The following ERC2 variants were observed in gnomAD, a reference collection of about 807,000 sequenced individuals.
ERC2 encodes ERC protein 2.
ERC2 carries 42 observed loss-of-function variants against 114.8 expected under a neutral mutation model. The observed-to-expected ratio is 0.37, with a 90% CI of 0.29 to 0.47. The LOEUF (loss-of-function observed/expected upper bound fraction) is 0.47. Among genes scored for constraint, ERC2 ranks in the 20% least tolerant of loss-of-function variants. The probability of loss-of-function intolerance (pLI) is 0.99; values close to 1 mark genes in which losing one functional copy is unlikely to be tolerated. For missense variants in ERC2, 939 were observed against 1,150.7 expected, an observed-to-expected ratio of 0.82 and a Z score of 2.66; for synonymous variants, 454 against 425.5, an observed-to-expected ratio of 1.07 and a Z score of -0.82.
chr3:56,050,048 A>G (rs2075689935), intron 7 of ERC2, among the ~76,000 whole-genome samples: 2 of 152,210 alleles, frequency 1.3e-5, no homozygotes, highest in African/African-American at 4.8e-5. Flanking sequence ...AGTGGTTGCC[A>G]GGGCACTGAG....
chr3:56,092,424 TG>T (rs2149787778), intron 6 of ERC2, among the ~76,000 whole-genome samples: 1 of 152,308 alleles, frequency 6.6e-6, no homozygotes, highest in South Asian at 2.1e-4. Context: ...TAAAATTAGG[TG>T]GTTTTAAGTG....
At chr3:55,739,962 G>A (rs1341329940) in intron 14 of ERC2, among the ~76,000 whole-genome samples, 1 of 152,118 alleles carries the variant, frequency 6.6e-6, no homozygotes, top group Non-Finnish European at 1.5e-5. Context: ...TTCAGTTTCA[G>A]TTTCCTGCAT....
At chr3:56,447,239 A>C (rs975661751) in intron 1 of ERC2, among the ~76,000 whole-genome samples, 5 of 152,260 alleles carry the variant, frequency 3.3e-5, no homozygotes. Flanking sequence ...TGGGGACCAC[A>C]GAGGGCACGC....
At chr3:55,600,143 TA>T in intron 17 of ERC2, among the ~76,000 whole-genome samples, 1 of 152,290 alleles carries the variant, frequency 6.6e-6, no homozygotes, top group African/African-American at 2.4e-5. Flanking sequence ...TATAGAGATG[TA>T]ATCTGTAAGG....
chr3:56,231,104 C>T (rs2050589441), intron 3 of ERC2, among the ~76,000 whole-genome samples: 4 of 152,186 alleles, frequency 2.6e-5, no homozygotes, highest in Admixed American at 1.3e-4. Flanking sequence ...CAAACTAGGA[C>T]AGTCTGATTC....
At chr3:56,007,698 G>A (rs9830643) in intron 9 of ERC2, among the ~76,000 whole-genome samples, 5,778 of 152,082 alleles carry the variant, frequency 0.038, 241 homozygotes, top group African/African-American at 0.1. Flanking sequence ...AGACAAATAC[G>A]AAAGAAAATA....
chr3:56,423,774 C>T (rs1303772409), intron 2 of ERC2, among the ~76,000 whole-genome samples: 2 of 152,232 alleles, frequency 1.3e-5, no homozygotes, highest in African/African-American at 4.8e-5. Flanking sequence ...TACCTAAAAA[C>T]CTACTTCCCA....
rs552035523 is a variant in ERC2, at chr3:56,122,955, C to T, written c.1473+16554G>A. On this transcript the variant is annotated intron_variant, in intron 6 of 17. Transcript: ENST00000288221. Reference sequence around the variant, plus strand: ...CTTTATGGGCTTTAAGTCTTCATACCGCAAGTTCAACCACCCCAAGAAAAC... The same window carrying T: ...CTTTATGGGCTTTAAGTCTTCATACTGCAAGTTCAACCACCCCAAGAAAAC... 8.5e-5 allele frequency among the ~76,000 whole-genome samples: 13 copies of T among 152,170 alleles called. No homozygotes were observed. The East Asian group carries it at 1.9e-3, about 23-fold the overall frequency.
intron 14 of ERC2, among the ~76,000 whole-genome samples, chr3:55,814,282 T>A (rs918661225): frequency 6.6e-6 from 1 of 152,222 alleles, no homozygotes; most frequent in East Asian, 1.9e-4. Context: ...CATTTTCTCC[T>A]TTTGATTTTC....
chr3:56,451,069 A>G (rs967457172), intron 1 of ERC2, among the ~76,000 whole-genome samples: 1 of 152,234 alleles, frequency 6.6e-6, no homozygotes, highest in African/African-American at 2.4e-5. Flanking sequence ...ATTTCCTTTC[A>G]TCTGCAAATG....
At chr3:55,827,087 C>G (rs1272671632) in intron 14 of ERC2, among the ~76,000 whole-genome samples, 1 of 152,186 alleles carries the variant, frequency 6.6e-6, no homozygotes, top group East Asian at 1.9e-4. Context: ...TCTAATTGTT[C>G]TGGATTTATC....
rs556632765 is a variant in ERC2, at chr3:56,446,254, T to A, written c.-140-11107A>T. ...AGCATAGCTCCACCAGACTTAGAGT[T>A]CCCAGAAATTAAATAATTACTTCAA... On this transcript the variant is annotated intron_variant, in intron 1 of 17. Transcript: ENST00000288221. 3.5e-4 allele frequency among the ~76,000 whole-genome samples: 53 copies of A among 152,164 alleles called. 1 individual carries two copies. The highest frequency in any genetic ancestry group is 6.5e-4 in the Admixed American group (10 of 15,272).
At chr3:55,584,717 C>T (rs1417350826) in intron 17 of ERC2, among the ~76,000 whole-genome samples, 3 of 152,114 alleles carry the variant, frequency 2.0e-5, no homozygotes, top group African/African-American at 4.8e-5. Flanking sequence ...ACACCAAATA[C>T]GGTGGGGAGA....
intron 2 of ERC2, among the ~76,000 whole-genome samples, chr3:56,370,039 A>T (rs2059305338): frequency 6.6e-6 from 1 of 152,126 alleles, no homozygotes; most frequent in Non-Finnish European, 1.5e-5. Context: ...TACCTCATGC[A>T]CTTTAGGAAT....
chr3:56,249,277 G>C (rs2051942314), intron 3 of ERC2, among the ~76,000 whole-genome samples: 1 of 152,108 alleles, frequency 6.6e-6, no homozygotes, highest in Non-Finnish European at 1.5e-5. Flanking sequence ...TGAGGCATGA[G>C]AGACCTGTTT....
At chr3:55,824,641 T>C (rs943843207) in intron 14 of ERC2, among the ~76,000 whole-genome samples, 1 of 152,214 alleles carries the variant, frequency 6.6e-6, no homozygotes, top group African/African-American at 2.4e-5. Flanking sequence ...TGTTATCACA[T>C]GGTTTACATC....
intron 17 of ERC2, among the ~76,000 whole-genome samples, chr3:55,600,066 G>A (rs148273672): frequency 2.9e-4 from 44 of 152,328 alleles, no homozygotes; most frequent in African/African-American, 9.6e-4. Context: ...GTAGCAAGGA[G>A]CTGAATCACT....
intron 2 of ERC2, among the ~76,000 whole-genome samples, chr3:56,335,969 A>T (rs1252787342): frequency 6.6e-6 from 1 of 152,232 alleles, no homozygotes; most frequent in Non-Finnish European, 1.5e-5. Flanking sequence ...GCAGAATATT[A>T]AAAAATAAAT....
chr3:55,707,692 G>T (rs1004771407), intron 15 of ERC2, among the ~76,000 whole-genome samples: 6 of 152,210 alleles, frequency 3.9e-5, no homozygotes, highest in African/African-American at 1.4e-4. Context: ...GGCCCTTGCT[G>T]TGTGAACAAC....
Sources: allele counts gnomAD v4.1 joint callset (sites outside exome capture counted in the v4.1 genomes callset), GRCh38; gene constraint gnomAD v4.1.1; transcripts MANE v1.5; gene names NCBI Gene and HGNC (gene_info 2026-07-23, HGNC 2026-07-21).